CACNA1A: variants seen among roughly 807,000 people sequenced by gnomAD.
The protein encoded by CACNA1A is calcium voltage-gated channel subunit alpha1 A.
Under a neutral mutation model 262.4 loss-of-function variants are expected in CACNA1A, and 57 were observed. The observed-to-expected ratio is 0.22, with a 90% CI of 0.18 to 0.27. The LOEUF (loss-of-function observed/expected upper bound fraction) is 0.27. Among genes scored for constraint, CACNA1A ranks in the 10% least tolerant of loss-of-function variants. The pLI, the probability that CACNA1A is intolerant of heterozygous loss-of-function variation, is 1.00. For synonymous variants in CACNA1A, 1,431 were observed against 1,419.3 expected, an observed-to-expected ratio of 1.01 and a Z score of -0.18; for missense variants, 2,526 against 3,562.8, an observed-to-expected ratio of 0.71 and a Z score of 7.41.
chr19:13,414,311 T>C (rs528474915), intron 3 of CACNA1A, among the ~76,000 whole-genome samples: 5 of 152,074 alleles, frequency 3.3e-5, no homozygotes, highest in Admixed American at 6.6e-5. Flanking sequence ...GGCAGGAGGA[T>C]TGCTTGAGCC....
At chr19:13,486,420 T>TAC (rs1568695441) in intron 1 of CACNA1A, among the ~76,000 whole-genome samples, 1 of 150,050 alleles carries the variant, frequency 6.7e-6, no homozygotes, top group Non-Finnish European at 1.5e-5. Context: ...CACACACACA[T>TAC]ACACACACAC....
rs2058448029 is a variant in CACNA1A at position 13,330,459 on chromosome 19, C to T, written c.1256-126G>A. 8 of 732,830 alleles carry T rather than the reference C, an allele frequency of 1.1e-5. No homozygotes were observed. In the Admixed American group the frequency reaches 1.2e-4, roughly 11 times the overall value. The allele number at this position is 732,830 out of a possible 1,614,324, so 45.4% of individuals were successfully genotyped here. On this transcript the variant is annotated intron_variant, in intron 9 of 46. Transcript: ENST00000360228. ...TGTTCTCACGGGAACTAATAGTATA[C>T]CCATTTTTCAGATGTGTAAACTGAG...
chr19:13,489,822 C>T (rs966764186), intron 1 of CACNA1A, among the ~76,000 whole-genome samples: 1 of 152,174 alleles, frequency 6.6e-6, no homozygotes, highest in Non-Finnish European at 1.5e-5. Context: ...CACCCTAAAT[C>T]AAGCCCACAT....
At chr19:13,494,587 A>T (rs117014655) in intron 1 of CACNA1A, among the ~76,000 whole-genome samples, 4,179 of 152,316 alleles carry the variant, frequency 0.027, 84 homozygotes, top group Middle Eastern at 0.048. Flanking sequence ...GCCTTAAAGG[A>T]CCTTGCTACA....
intron 31 of CACNA1A, among the ~76,000 whole-genome samples, chr19:13,240,917 C>T (rs888358169): frequency 1.3e-5 from 2 of 152,256 alleles, no homozygotes; most frequent in African/African-American, 4.8e-5. Flanking sequence ...CTACCAGATC[C>T]AAGTCTGGCA....
At chr19:13,338,435 A>G (rs1239898833) in intron 6 of CACNA1A, among the ~76,000 whole-genome samples, 3 of 152,184 alleles carry the variant, frequency 2.0e-5, no homozygotes, top group African/African-American at 7.2e-5. Context: ...TAATTCCGAA[A>G]TAGTAATTCT....
intron 3 of CACNA1A, among the ~76,000 whole-genome samples, chr19:13,446,426 C>T (rs936612240): frequency 2.7e-5 from 4 of 147,886 alleles, no homozygotes; most frequent in Admixed American, 6.8e-5. Context: ...TGTGTGTGCG[C>T]GCGTGTTTTT....
At chr19:13,300,696 T>C in intron 17 of CACNA1A, 40 bp from the exon 18 acceptor site, 1 of 1,526,620 alleles carries the variant, frequency 6.6e-7, no homozygotes, top group Non-Finnish European at 9.1e-7. Context: ...AAACATGAAC[T>C]AGGCCTTGGG....
chr19:13,400,298 G>A (rs1258690059), intron 3 of CACNA1A, among the ~76,000 whole-genome samples: 4 of 152,130 alleles, frequency 2.6e-5, no homozygotes, highest in African/African-American at 9.7e-5. Flanking sequence ...TTTGACTTTT[G>A]CAGGATGAAT....
intron 24 of CACNA1A, chr19:13,263,114 C>A: frequency 2.4e-6 from 1 of 411,784 alleles, no homozygotes; most frequent in East Asian, 4.8e-5. Flanking sequence ...TTGGGTGTCC[C>A]TGAGACCCAG....
At chr19:13,432,712 TAA>T (rs1196386939) in intron 3 of CACNA1A, among the ~76,000 whole-genome samples, 1 of 151,070 alleles carries the variant, frequency 6.6e-6, no homozygotes, top group African/African-American at 2.5e-5. Flanking sequence ...TCAAAATTGC[TAA>T]AAGAGTAGAT....
intron 44 of CACNA1A, 67 bp from the exon 45 acceptor site, chr19:13,209,565 G>C: frequency 8.4e-7 from 1 of 1,186,008 alleles, no homozygotes; most frequent in Non-Finnish European, 1.1e-6. Flanking sequence ...GGTCCTTCCT[G>C]CCCCATTGTG....
At chr19:13,295,167 C>T (rs553565270) in intron 19 of CACNA1A, among the ~76,000 whole-genome samples, 1 of 152,298 alleles carries the variant, frequency 6.6e-6, no homozygotes, top group African/African-American at 2.4e-5. Context: ...ATATAGTAGG[C>T]ACTTAGTAAA....
Position 13,347,667 on chromosome 19 carries a change from G to T in CACNA1A, c.979-11758C>A, listed in dbSNP as rs149697894. 5.8e-4 allele frequency among the ~76,000 whole-genome samples: 89 copies of T among 152,282 alleles called. No individual in the cohort carries two copies. In the Middle Eastern group the frequency reaches 0.01, roughly 17 times the overall value. ...CTAAACTATTTAATGTCTGCTGTCT[G>T]CCCTTTTTATCCCAACTGATCACTG... is the stretch of plus-strand genomic sequence containing the variant. On this transcript the variant is annotated intron_variant, in intron 6 of 46. Coordinates refer to ENST00000360228, the MANE Select transcript of CACNA1A (RefSeq NM_001127222.2).
intron 12 of CACNA1A, among the ~76,000 whole-genome samples, chr19:13,309,933 A>G (rs1028656758): frequency 6.6e-6 from 1 of 152,226 alleles, no homozygotes; most frequent in Admixed American, 6.5e-5. Flanking sequence ...AAACATTTTC[A>G]TCACCCCCAA....
At chr19:13,344,741 TTTATTTATTTA>T (rs1568555026) in intron 6 of CACNA1A, among the ~76,000 whole-genome samples, 384 of 47,298 alleles carry the variant, frequency 8.1e-3, no homozygotes, top group African/African-American at 0.025. Flanking sequence ...ATTTATTTTA[TTTATTTATTTA>T]TTTATTTATT....
chr19:13,234,685 A>AAGG (rs1001458346), intron 34 of CACNA1A: 2 of 517,084 alleles, frequency 3.9e-6, no homozygotes, highest in Non-Finnish European at 7.0e-6. Context: ...CACACCAGAA[A>AAGG]AGGAGGAGGA....
At chr19:13,357,049 G>A (rs986758467) in intron 6 of CACNA1A, among the ~76,000 whole-genome samples, 1 of 152,192 alleles carries the variant, frequency 6.6e-6, no homozygotes, top group Admixed American at 6.5e-5. Flanking sequence ...TGATATGAAT[G>A]ACATTCTTGT....
intron 1 of CACNA1A, among the ~76,000 whole-genome samples, chr19:13,497,918 A>T (rs1207951194): frequency 6.6e-6 from 1 of 151,712 alleles, no homozygotes; most frequent in African/African-American, 2.4e-5. Context: ...TGGAGCTGAG[A>T]TTTGCAGCCA....
Sources: allele counts gnomAD v4.1 joint callset (sites outside exome capture counted in the v4.1 genomes callset), GRCh38; gene constraint gnomAD v4.1.1; transcripts MANE v1.5; gene names NCBI Gene and HGNC (gene_info 2026-07-23, HGNC 2026-07-21).